Variants in DROSHA observed in about 807,000 individuals in gnomAD.
The protein encoded by DROSHA is drosha ribonuclease III.
In DROSHA, 56 loss-of-function variants were observed where a neutral mutation model predicts 181.9. The ratio of observed to expected loss-of-function variants is 0.31; its 90% CI spans 0.25 to 0.38. The LOEUF (loss-of-function observed/expected upper bound fraction) is 0.38, where lower values mean the gene tolerates loss of function less well. Ranked by LOEUF, DROSHA falls within the 10% of genes least tolerant of loss-of-function variation. The probability of loss-of-function intolerance (pLI) is 1.00; values close to 1 mark genes in which losing one functional copy is unlikely to be tolerated. For missense variants in DROSHA, 1,218 were observed against 1,743.5 expected (o/e 0.70, Z 5.37); for synonymous variants, 524 against 591.2 (o/e 0.89, Z 1.65).
chr5:31,402,428 A>C (rs1346750551), intron 35 of DROSHA, among the ~76,000 whole-genome samples: 1 of 152,222 alleles, frequency 6.6e-6, no homozygotes, highest in African/African-American at 2.4e-5. Context: ...TCAAGAGTAC[A>C]TTCACACAAC....
At chr5:31,422,217 A>G (rs1484734695) in intron 29 of DROSHA, among the ~76,000 whole-genome samples, 1 of 152,094 alleles carries the variant, frequency 6.6e-6, no homozygotes, top group African/African-American at 2.4e-5. Flanking sequence ...CAGGTTAAAG[A>G]GAGTTGGAAA....
Position 31,528,996 on chromosome 5 carries a change from T to C in DROSHA, c.20+44A>G, listed in dbSNP as rs201946278. Reference sequence around the variant, plus strand: ...AGCCCAGCACCAATGTCTGCTCCTCTCTCGGTTCTCCCAAACTATTGCCAT... The same window carrying C: ...AGCCCAGCACCAATGTCTGCTCCTCCCTCGGTTCTCCCAAACTATTGCCAT... On this transcript the variant is annotated intron_variant, in intron 4 of 35. Transcript: ENST00000344624. 1.5e-3 allele frequency: 2,439 copies of C among 1,610,610 alleles called. 5 individuals are homozygous for C. Among genetic ancestry groups the C allele is most frequent in the Non-Finnish European group, 1.9e-3 (2,219 of 1,178,556 alleles).
intron 23 of DROSHA, among the ~76,000 whole-genome samples, chr5:31,441,033 C>A (rs1464723755): frequency 6.6e-6 from 1 of 150,840 alleles, no homozygotes; most frequent in East Asian, 1.9e-4. Context: ...ACTGTAATAG[C>A]CAATAATGGG....
At chr5:31,493,100 G>T in intron 13 of DROSHA, 107 bp downstream of exon 13, 1 of 1,141,204 alleles carries the variant, frequency 8.8e-7, no homozygotes. Context: ...GGGATGCAGA[G>T]GAAATGTTTC....
Position 31,514,890 on chromosome 5 carries a change from G to T in DROSHA, c.1290+98C>A. The stretch of plus-strand genomic sequence containing the variant: ...CCGCTAAACATCCTACAATGCATAG[G>T]GCAGTCCCCACAATCAAGAATTTAT... On this transcript the variant is annotated intron_variant, in intron 8 of 35. Transcript: ENST00000344624. The surrounding 1 kb of genome is among the most constrained non-coding windows in gnomAD (Gnocchi z 4.4). 1 of 1,113,984 alleles carries T rather than the reference G, an allele frequency of 9.0e-7. No homozygotes were observed. 69.0% of individuals were successfully genotyped at this position (1,113,984 alleles called of 1,614,324 possible). A position where few individuals can be genotyped will look rare whatever the true frequency, so the allele number is the denominator to read the frequency against.
In DROSHA at chr5:31,451,481, T is replaced by C. The variant is rs912031383; in HGVS notation, c.2682+52A>G. On this transcript the variant is annotated intron_variant, in intron 21 of 35. Coordinates refer to ENST00000344624, the MANE Select transcript of DROSHA (RefSeq NM_001382508.1). Reference sequence around the variant, plus strand: ...AATGTACCATTTGTGACCTGCAAGATGAATTACTCCTATCTTGTTATTATG... The same window carrying C: ...AATGTACCATTTGTGACCTGCAAGACGAATTACTCCTATCTTGTTATTATG... 10 of 1,456,256 alleles carry C rather than the reference T, an allele frequency of 6.9e-6. No individual in the cohort carries two copies. The African/African-American group carries it at 1.1e-4, about 16-fold the overall frequency. The allele number at this position is 1,456,256 out of a possible 1,614,324, so 90.2% of individuals were successfully genotyped here. A position where few individuals can be genotyped will look rare whatever the true frequency, so the allele number is the denominator to read the frequency against.
chr5:31,421,354 A>T lies in DROSHA; in HGVS notation c.3443T>A (p.Phe1148Tyr). The change falls in exon 30 of 36, where the codon TTC becomes TAC. Residue 1148 changes from phenylalanine to tyrosine, a missense_variant. Phe to Tyr is a conservative substitution (Grantham distance 22). Coordinates refer to ENST00000344624, the MANE Select transcript of DROSHA (RefSeq NM_001382508.1). The stretch of plus-strand genomic sequence containing the variant: ...CAGTTGCATTATGGAGTCACCTAGG[A>T]ATTCCATTCTCTGATTGTGGCCTCT... ...LTLGHNQRME[F>Y]LGDSIMQLVA... is the part of the protein sequence containing the mutation. The T allele has an allele frequency of 6.2e-7, 1 of 1,613,296 alleles. No individual in the cohort carries two copies. The highest frequency in any genetic ancestry group is 8.5e-7 in the Non-Finnish European group (1 of 1,179,406).
intron 6 of DROSHA, among the ~76,000 whole-genome samples, chr5:31,520,161 T>C (rs1580374803): frequency 6.6e-6 from 1 of 152,188 alleles, no homozygotes; most frequent in Non-Finnish European, 1.5e-5. Context: ...CTGCTTCTTG[T>C]GTGAAATTAT....
In DROSHA at chr5:31,532,084, A is replaced by C. The variant is rs892861878; in HGVS notation, c.-344T>G. 9.7e-6 allele frequency: 4 copies of C among 411,710 alleles called. No individual in the cohort carries two copies. Among genetic ancestry groups the C allele is most frequent in the Non-Finnish European group, 1.3e-5 (3 of 226,578 alleles). 25.5% of individuals were successfully genotyped at this position (411,710 alleles called of 1,614,324 possible). A position where few individuals can be genotyped will look rare whatever the true frequency, so the allele number is the denominator to read the frequency against. On this transcript the variant is annotated 5_prime_UTR_variant, in exon 1 of 36. Coordinates refer to ENST00000344624, the MANE Select transcript of DROSHA (RefSeq NM_001382508.1). ...CAGTGGCACCGCCCGCGCCTCCGGA[A>C]CAGGAAACCGAGGGAATTAAAAAGC...
chr5:31,478,659 G>A (rs1410991890), intron 16 of DROSHA, among the ~76,000 whole-genome samples: 17 of 152,098 alleles, frequency 1.1e-4, no homozygotes, highest in South Asian at 4.1e-4. Context: ...GCTTGAACCC[G>A]GGAGGCAGAG....
intron 30 of DROSHA, among the ~76,000 whole-genome samples, chr5:31,414,136 T>C (rs1741670949): frequency 6.6e-6 from 1 of 152,036 alleles, no homozygotes. Flanking sequence ...TGGCAGGTGA[T>C]GTGAAGAAGA....
Position 31,526,587 on chromosome 5 carries a change from A to G in DROSHA, c.346T>C (p.Cys116Arg). 6.6e-7 allele frequency: 1 copy of G among 1,523,402 alleles called. No individual in the cohort carries two copies. The highest frequency in any genetic ancestry group is 8.8e-7 in the Non-Finnish European group (1 of 1,138,148). The allele number at this position is 1,523,402 out of a possible 1,614,324, so 94.4% of individuals were successfully genotyped here. A position where few individuals can be genotyped will look rare whatever the true frequency, so the allele number is the denominator to read the frequency against. Residue 116 changes from cysteine to arginine, a missense_variant, in exon 5 of 36, where the codon TGT becomes CGT. Cys to Arg is a radical substitution (Grantham distance 180). Coordinates refer to ENST00000344624, the MANE Select transcript of DROSHA (RefSeq NM_001382508.1). ...QMRHPFPVPPCFPPMPPPMPC... is the reference protein window; with the variant it reads ...QMRHPFPVPPRFPPMPPPMPC... ...ATTGGTGGTGGCATGGGAGGAAAAC[A>G]AGGAGGAACTGGGAAGGGGTGCCTC...
intron 22 of DROSHA, 42 bp downstream of exon 22, chr5:31,449,239 G>A: frequency 1.9e-6 from 3 of 1,608,210 alleles, no homozygotes; most frequent in Non-Finnish European, 2.6e-6. Context: ...GAAAACACAG[G>A]CCAAAATAGG....
At chr5:31,476,600 A>G (rs1024101936) in intron 16 of DROSHA, among the ~76,000 whole-genome samples, 1 of 152,234 alleles carries the variant, frequency 6.6e-6, no homozygotes, top group Non-Finnish European at 1.5e-5. Context: ...TAAACCTTAA[A>G]GAGATTTTAT....
chr5:31,463,048 G>C (rs1432371781), intron 20 of DROSHA, among the ~76,000 whole-genome samples: 1 of 152,056 alleles, frequency 6.6e-6, no homozygotes, highest in Non-Finnish European at 1.5e-5. Flanking sequence ...ACATTACATT[G>C]GTTTTGGGGA....
rs1161572490 is a variant in DROSHA at position 31,470,399 on chromosome 5, G to A, written c.2241+1664C>T. Among the ~76,000 whole-genome samples, 5 of 152,126 alleles carry A rather than the reference G, an allele frequency of 3.3e-5. No homozygotes were observed. The highest frequency in any genetic ancestry group is 1.2e-4 in the African/African-American group (5 of 41,422). On this transcript the variant is annotated intron_variant, in intron 17 of 35. Transcript: ENST00000344624. This position sits in a 1 kb window ranked among gnomAD's most constrained non-coding sequence, Gnocchi z 4.0. Reference sequence around the variant, plus strand: ...CTCCTTTCATATGTTAGTGGTCTTTGGGTTTTCACCTGGGCAAGCATCATA... The same window carrying A: ...CTCCTTTCATATGTTAGTGGTCTTTAGGTTTTCACCTGGGCAAGCATCATA...
In DROSHA at chr5:31,456,463, T is replaced by TACACACAC. The variant is rs35756228; in HGVS notation, c.2575-4831_2575-4824dup. ...CTATTTTTACTAAAAGACAACAAGATACACACACACACACACACACACACA... is the reference window on the plus strand; with the variant it reads ...CTATTTTTACTAAAAGACAACAAGATACACACACACACACACACACACACACACACACA... On this transcript the variant is annotated intron_variant, in intron 20 of 35. Coordinates refer to ENST00000344624, the MANE Select transcript of DROSHA (RefSeq NM_001382508.1). 4.7e-3 allele frequency among the ~76,000 whole-genome samples: 689 copies of TACACACAC among 146,632 alleles called. 2 individuals are homozygous for TACACACAC. Among genetic ancestry groups the TACACACAC allele is most frequent in the South Asian group, 7.8e-3 (35 of 4,486 alleles).
rs188662155 is a variant in DROSHA at position 31,460,124 on chromosome 5, C to T, written c.2574+4112G>A. On this transcript the variant is annotated intron_variant, in intron 20 of 35. Transcript: ENST00000344624. ...AACCCTATTCTTAAAAAATACAGGT[C>T]TTACTGCAGCATGTTGCTTTTCTTC... Among the ~76,000 whole-genome samples, 298 of 152,248 alleles carry T rather than the reference C, an allele frequency of 2.0e-3. 1 individual carries two copies. Among genetic ancestry groups the T allele is most frequent in the Non-Finnish European group, 2.5e-4 (17 of 68,020 alleles).
At position 31,400,601 on chromosome 5, in the gene DROSHA, A is replaced by G. The variant is rs1207384795; in HGVS notation, c.*831T>C. 1 of 152,198 alleles carries G rather than the reference A, an allele frequency of 6.6e-6. No homozygotes were observed. The highest frequency in any genetic ancestry group is 2.4e-5 in the African/African-American group (1 of 41,446). The allele number at this position is 152,198 out of a possible 1,614,324, so 9.4% of individuals were successfully genotyped here. A position where few individuals can be genotyped will look rare whatever the true frequency, so the allele number is the denominator to read the frequency against. On this transcript the variant is annotated 3_prime_UTR_variant, in exon 36 of 36. Coordinates refer to ENST00000344624, the MANE Select transcript of DROSHA (RefSeq NM_001382508.1). Reference sequence around the variant, plus strand: ...TCTTTGAATGTCATGTTAGCCTTTTACTGCAGGGCCCACTTAGAGAGGCTG... The same window carrying G: ...TCTTTGAATGTCATGTTAGCCTTTTGCTGCAGGGCCCACTTAGAGAGGCTG...
Sources: allele counts gnomAD v4.1 joint callset (sites outside exome capture counted in the v4.1 genomes callset), GRCh38; gene constraint gnomAD v4.1.1; non-coding constraint Gnocchi (gnomAD v3.1); transcripts MANE v1.5; gene names NCBI Gene and HGNC (gene_info 2026-07-23, HGNC 2026-07-21).